The following ASXL3 variants were observed in gnomAD, a reference collection of about 807,000 sequenced individuals.
The protein encoded by ASXL3 is ASXL transcriptional regulator 3.
Under a neutral mutation model 170.6 loss-of-function variants are expected in ASXL3, and 34 were observed. The observed-to-expected ratio is 0.20, with a 90% CI of 0.15 to 0.27. The LOEUF is 0.27. Ranked by LOEUF, ASXL3 falls within the 10% of genes least tolerant of loss-of-function variation. The pLI is 1.00. For missense variants in ASXL3, 2,592 were observed against 2,695.3 expected (o/e 0.96, Z 0.85); for synonymous variants, 1,002 against 989.1 (o/e 1.01, Z -0.24).
intron 2 of ASXL3, among the ~76,000 whole-genome samples, chr18:33,612,593 G>T (rs2065353656): frequency 1.3e-5 from 2 of 151,994 alleles, no homozygotes; most frequent in South Asian, 2.1e-4. Context: ...TCTCTGTTAT[G>T]ATATGCTGAA....
At chr18:33,704,727 G>A (rs1188272180) in intron 8 of ASXL3, among the ~76,000 whole-genome samples, 3 of 151,976 alleles carry the variant, frequency 2.0e-5, no homozygotes, top group Non-Finnish European at 2.9e-5. Context: ...GTTGTGTTAA[G>A]CCTGTACAGA....
At chr18:33,617,905 T>G (rs1379562684) in intron 2 of ASXL3, among the ~76,000 whole-genome samples, 2 of 152,162 alleles carry the variant, frequency 1.3e-5, no homozygotes, top group African/African-American at 4.8e-5. Context: ...GGCATTTAAC[T>G]GGGATGATTT....
chr18:33,624,466 G>A (rs950100306), intron 2 of ASXL3, among the ~76,000 whole-genome samples: 1 of 152,096 alleles, frequency 6.6e-6, no homozygotes, highest in Admixed American at 6.6e-5. Context: ...GGTGGAGGCA[G>A]TGGTGATATT....
intron 4 of ASXL3, among the ~76,000 whole-genome samples, chr18:33,657,414 A>G (rs913490635): frequency 2.6e-5 from 4 of 152,058 alleles, no homozygotes; most frequent in Non-Finnish European, 5.9e-5. Flanking sequence ...CTTTCTGTAT[A>G]TCCTGGGTTG....
chr18:33,732,968 G>A (rs751618567), intron 9 of ASXL3, among the ~76,000 whole-genome samples: 6 of 151,454 alleles, frequency 4.0e-5, no homozygotes, highest in East Asian at 1.9e-4. Context: ...CACCCCATCC[G>A]ACTTGAAACC....
Position 33,610,530 on chromosome 18 carries a change from G to A in ASXL3, c.137+2854G>A, listed in dbSNP as rs931686396. Among the ~76,000 whole-genome samples the A allele has an allele frequency of 9.9e-5, 15 of 151,832 alleles. No individual in the cohort carries two copies. The South Asian group carries it at 1.0e-3, about 11-fold the overall frequency. ...AAGGCCATTTGTTTCAAGTGCTATC[G>A]GGGTCCTTCATTCTATGTGTGCCAG... On this transcript the variant is annotated intron_variant, in intron 2 of 11. Transcript: ENST00000269197.
chr18:33,734,044 T>TGCTTTAGCATTCCTCTAAAGCATTTA (rs2067500387), intron 9 of ASXL3, among the ~76,000 whole-genome samples: 2 of 84,932 alleles, frequency 2.4e-5, no homozygotes, highest in South Asian at 8.6e-4. Context: ...ATTTGCTAAA[T>TGCTTTAGCATTCCTCTAAAGCATTTA]GCTTTAGCAT....
intron 9 of ASXL3, among the ~76,000 whole-genome samples, chr18:33,732,590 A>C (rs189961556): frequency 7.2e-4 from 109 of 152,262 alleles, no homozygotes; most frequent in Admixed American, 2.4e-3. Flanking sequence ...GTGGTGGCTC[A>C]CTGGCCTGTT....
chr18:33,718,790 G>A (rs934395090), intron 8 of ASXL3, among the ~76,000 whole-genome samples: 1 of 151,594 alleles, frequency 6.6e-6, no homozygotes, highest in African/African-American at 2.4e-5. Context: ...AAAAATCAAG[G>A]GAGTAATAGC....
chr18:33,702,212 A>G (rs2066884979), intron 8 of ASXL3, among the ~76,000 whole-genome samples: 1 of 152,182 alleles, frequency 6.6e-6, no homozygotes, highest in Non-Finnish European at 1.5e-5. Flanking sequence ...CAAGCATTTC[A>G]TAGAAGATTT....
At chr18:33,735,014 A>G (rs1055253979) in intron 10 of ASXL3, among the ~76,000 whole-genome samples, 2 of 152,182 alleles carry the variant, frequency 1.3e-5, no homozygotes, top group East Asian at 1.9e-4. Flanking sequence ...CAGGTTTAAC[A>G]GAGACACATT....
rs370185733 is a variant in ASXL3 at position 33,739,558 on chromosome 18, G to A, written c.2154G>A (p.Pro718=). 1.5e-5 allele frequency: 25 copies of A among 1,613,750 alleles called. No homozygotes were observed. Among genetic ancestry groups the A allele is most frequent in the African/African-American group, 4.0e-5 (3 of 74,892 alleles). The change falls in exon 11 of 12, where the codon CCG becomes CCA. Residue 718 remains proline (P), a synonymous_variant. Transcript: ENST00000269197. ...SNLPLTSETS[P]MSDLPLTSET... is the part of the protein sequence containing the mutation. ...TACCTTTAACATCAGAAACCTCACCGATGTCTGACTTACCTTTAACATCAG... is the reference window on the plus strand; with the variant it reads ...TACCTTTAACATCAGAAACCTCACCAATGTCTGACTTACCTTTAACATCAG...
At chr18:33,709,139 T>C (rs2067011930) in intron 8 of ASXL3, among the ~76,000 whole-genome samples, 1 of 152,094 alleles carries the variant, frequency 6.6e-6, no homozygotes, top group African/African-American at 2.4e-5. Context: ...AAAGCAAATA[T>C]TGGCAATAAC....
chr18:33,751,021 C>A lies in ASXL3; in HGVS notation c.*4426C>A, dbSNP rs1043086. 6.8e-6 allele frequency: 1 copy of A among 147,162 alleles called. No individual in the cohort carries two copies. Among genetic ancestry groups the A allele is most frequent in the African/African-American group, 2.6e-5 (1 of 38,120 alleles). The allele number at this position is 147,162 out of a possible 1,614,324, so 9.1% of individuals were successfully genotyped here. A position where few individuals can be genotyped will look rare whatever the true frequency, so the allele number is the denominator to read the frequency against. On this transcript the variant is annotated 3_prime_UTR_variant, in exon 12 of 12. Transcript: ENST00000269197. ...TAATGGTGCTGTTTGTTTTTTATTT[C>A]TTTTCTACAAAGAAAACAAGTGTTG...
At chr18:33,620,275 G>A (rs1016774840) in intron 2 of ASXL3, among the ~76,000 whole-genome samples, 6 of 152,134 alleles carry the variant, frequency 3.9e-5, no homozygotes, top group Non-Finnish European at 4.4e-5. Flanking sequence ...AGCTTAATTT[G>A]TGTTCATTGA....
rs542630858 is a variant in ASXL3 at position 33,689,000 on chromosome 18, T to A, written c.879+5432T>A. 3.7e-5 allele frequency among the ~76,000 whole-genome samples: 4 copies of A among 107,550 alleles called. No individual in the cohort carries two copies. In the South Asian group the frequency reaches 1.1e-3, roughly 30 times the overall value. 70.6% of individuals were successfully genotyped at this position (107,550 alleles called of 152,430 possible). The stretch of plus-strand genomic sequence containing the variant: ...TGACTTGAAAGGTGTATTTTCTTTT[T>A]ATCTTTTTTTTTTGATGGAGTCTTA... On this transcript the variant is annotated intron_variant, in intron 8 of 11. Coordinates refer to ENST00000269197, the MANE Select transcript of ASXL3 (RefSeq NM_030632.3).
chr18:33,643,203 A>AT (rs1433789665), intron 2 of ASXL3, among the ~76,000 whole-genome samples: 2 of 151,910 alleles, frequency 1.3e-5, no homozygotes, highest in Non-Finnish European at 2.9e-5. Context: ...GAAGAATATA[A>AT]TGTAAAAATA....
chr18:33,666,775 A>C (rs927539962), intron 5 of ASXL3, among the ~76,000 whole-genome samples: 1 of 152,072 alleles, frequency 6.6e-6, no homozygotes, highest in African/African-American at 2.4e-5. Context: ...AACAACCCCC[A>C]ACAGATGTAA....
chr18:33,738,677 A>G lies in ASXL3; in HGVS notation c.1273A>G (p.Met425Val), dbSNP rs368069319. The change falls in exon 11 of 12, where the codon ATG becomes GTG. Residue 425 changes from methionine to valine, a missense_variant. Met to Val is a conservative substitution (Grantham distance 21). Coordinates refer to ENST00000269197, the MANE Select transcript of ASXL3 (RefSeq NM_030632.3). The stretch of plus-strand genomic sequence containing the variant: ...TGGTTTCTGTGCTACTCTTTGCCCT[A>G]TGGTAGAAATTCCACCTAAAGATAT... ...EPGFCATLCP[M>V]VEIPPKDIMA... is the part of the protein sequence containing the mutation. 6.2e-5 allele frequency: 100 copies of G among 1,613,866 alleles called. No individual in the cohort carries two copies. Among genetic ancestry groups the G allele is most frequent in the Non-Finnish European group, 8.1e-5 (95 of 1,179,876 alleles).
Sources: gnomAD v4.1 joint callset for allele counts (sites outside exome capture counted in the v4.1 genomes callset) on GRCh38, gnomAD v4.1.1 for gene constraint, MANE v1.5 for transcripts, NCBI Gene and HGNC (gene_info 2026-07-23, HGNC 2026-07-21) for gene names.